Variants in NOS1AP observed in about 807,000 individuals in gnomAD.
The protein encoded by NOS1AP is nitric oxide synthase 1 adaptor protein.
A neutral mutation model predicts 56.2 loss-of-function variants in NOS1AP; 21 were observed. The ratio of observed to expected loss-of-function variants is 0.37; its 90% CI spans 0.26 to 0.54. The LOEUF is 0.54. Among genes scored for constraint, NOS1AP ranks in the 20% least tolerant of loss-of-function variants. NOS1AP has a pLI of 0.84. For synonymous variants in NOS1AP, 270 were observed against 274.6 expected (o/e 0.98, Z 0.17); for missense variants, 522 against 657.8 (o/e 0.79, Z 2.26).
At chr1:162,352,474 A>G (rs931582547) in intron 6 of NOS1AP, among the ~76,000 whole-genome samples, 2 of 151,246 alleles carry the variant, frequency 1.3e-5, no homozygotes, top group African/African-American at 4.9e-5. Context: ...TCTTTAGGCC[A>G]GGCCTTTTTC....
chr1:162,271,591 G>A (rs958673885), intron 2 of NOS1AP, among the ~76,000 whole-genome samples: 1 of 152,244 alleles, frequency 6.6e-6, no homozygotes, highest in Non-Finnish European at 1.5e-5. Flanking sequence ...CCTTTCGTGT[G>A]TGCTGGTTCT....
At chr1:162,305,542 T>C (rs1206315731) in intron 4 of NOS1AP, among the ~76,000 whole-genome samples, 3 of 152,186 alleles carry the variant, frequency 2.0e-5, no homozygotes, top group South Asian at 2.1e-4. Context: ...GCCACAAATA[T>C]ATAGATCTTT....
intron 3 of NOS1AP, among the ~76,000 whole-genome samples, chr1:162,293,630 C>T (rs972279696): frequency 3.3e-5 from 5 of 152,182 alleles, no homozygotes; most frequent in East Asian, 1.9e-4. Context: ...ATCAAAGATG[C>T]GCTTACCCCA....
At chr1:162,140,526 T>A (rs935524399) in intron 1 of NOS1AP, among the ~76,000 whole-genome samples, 1 of 152,232 alleles carries the variant, frequency 6.6e-6, no homozygotes, top group Non-Finnish European at 1.5e-5. Flanking sequence ...ATGTAGCACA[T>A]TTTCTTTATC....
At chr1:162,297,654 C>T (rs1054821658) in intron 3 of NOS1AP, among the ~76,000 whole-genome samples, 2 of 152,114 alleles carry the variant, frequency 1.3e-5, no homozygotes, top group African/African-American at 2.4e-5. Context: ...TCACCTCTGA[C>T]CCACTGTATT....
At chr1:162,157,429 A>T (rs1481270680) in intron 2 of NOS1AP, among the ~76,000 whole-genome samples, 3 of 152,150 alleles carry the variant, frequency 2.0e-5, no homozygotes, top group Non-Finnish European at 4.4e-5. Context: ...CCCTTTTAAA[A>T]GCTGTTGGCT....
chr1:162,365,451 G>T lies in NOS1AP; in HGVS notation c.987G>T (p.Leu329=). 1 of 1,614,086 alleles carries T rather than the reference G, an allele frequency of 6.2e-7. No homozygotes were observed. The highest frequency in any genetic ancestry group is 8.5e-7 in the Non-Finnish European group (1 of 1,180,042). ...TGGCTGCTGAGGCTGCGGCGCGGCTGGAGGCCCAGGCTCGCGTGCATCAGC... is the reference window on the plus strand; with the variant it reads ...TGGCTGCTGAGGCTGCGGCGCGGCTTGAGGCCCAGGCTCGCGTGCATCAGC... ...DQLAAEAAAR[L]EAQARVHQLL... The change falls in exon 9 of 10, where the codon CTG becomes CTT. Residue 329 remains leucine (L), a synonymous_variant. Transcript: ENST00000361897.
At chr1:162,134,003 A>G (rs1358709480) in intron 1 of NOS1AP, among the ~76,000 whole-genome samples, 1 of 152,170 alleles carries the variant, frequency 6.6e-6, no homozygotes, top group Non-Finnish European at 1.5e-5. Flanking sequence ...GGAAGAGAAG[A>G]CTTTCCAAAA....
intron 1 of NOS1AP, among the ~76,000 whole-genome samples, chr1:162,152,130 G>T (rs888529922): frequency 1.3e-5 from 2 of 152,162 alleles, no homozygotes; most frequent in African/African-American, 4.8e-5. Context: ...AATGGGCCAG[G>T]GTCATGGTAG....
chr1:162,298,331 C>T (rs1655536899), intron 3 of NOS1AP, among the ~76,000 whole-genome samples: 2 of 152,252 alleles, frequency 1.3e-5, no homozygotes, highest in Admixed American at 1.3e-4. Context: ...TACACTTCCA[C>T]CACTGACCTG....
At chr1:162,235,749 C>T (rs932235162) in intron 2 of NOS1AP, among the ~76,000 whole-genome samples, 4 of 152,184 alleles carry the variant, frequency 2.6e-5, no homozygotes, top group South Asian at 2.1e-4. Flanking sequence ...CCTGGCATTC[C>T]GTCTCTTGGT....
chr1:162,241,675 G>A (rs1341352944), intron 2 of NOS1AP, among the ~76,000 whole-genome samples: 2 of 152,132 alleles, frequency 1.3e-5, no homozygotes, highest in African/African-American at 4.8e-5. Flanking sequence ...CCTGACTGCA[G>A]AGTCCAGGCT....
intron 8 of NOS1AP, chr1:162,364,548 G>C (rs1248547804): frequency 7.1e-6 from 7 of 985,330 alleles, no homozygotes; most frequent in Non-Finnish European, 8.4e-6. Flanking sequence ...TGACACCACT[G>C]GGCCTCAAGC....
At chr1:162,105,289 T>C (rs1174073324) in intron 1 of NOS1AP, among the ~76,000 whole-genome samples, 3 of 152,190 alleles carry the variant, frequency 2.0e-5, no homozygotes, top group Admixed American at 6.5e-5. Context: ...GGAAGCTCTG[T>C]CCTAGGAGGG....
At chr1:162,320,377 T>A (rs1026249338) in intron 4 of NOS1AP, among the ~76,000 whole-genome samples, 5 of 152,208 alleles carry the variant, frequency 3.3e-5, no homozygotes, top group African/African-American at 4.8e-5. Flanking sequence ...AAACCTTTGT[T>A]GATGATTATT....
intron 2 of NOS1AP, among the ~76,000 whole-genome samples, chr1:162,160,127 G>C (rs751906847): frequency 1.1e-4 from 17 of 152,164 alleles, no homozygotes; most frequent in Non-Finnish European, 2.1e-4. Flanking sequence ...AGGGGTATCT[G>C]GTCTCCTGTG....
intron 4 of NOS1AP, among the ~76,000 whole-genome samples, chr1:162,329,138 T>C (rs1656684905): frequency 6.6e-6 from 1 of 152,220 alleles, no homozygotes; most frequent in Non-Finnish European, 1.5e-5. Flanking sequence ...TGTGGACATA[T>C]GATGAATCTG....
At chr1:162,334,796 T>C (rs931235274) in intron 5 of NOS1AP, among the ~76,000 whole-genome samples, 2 of 152,196 alleles carry the variant, frequency 1.3e-5, no homozygotes, top group African/African-American at 2.4e-5. Context: ...GTAAGACATG[T>C]AACTTTCACT....
chr1:162,189,447 C>T (rs1651548489), intron 2 of NOS1AP, among the ~76,000 whole-genome samples: 1 of 152,244 alleles, frequency 6.6e-6, no homozygotes, highest in Admixed American at 6.5e-5. Context: ...AAAGAAAACA[C>T]CTTTGCATAC....
Sources: gnomAD v4.1 joint callset for allele counts (sites outside exome capture counted in the v4.1 genomes callset) on GRCh38, gnomAD v4.1.1 for gene constraint, MANE v1.5 for transcripts, NCBI Gene and HGNC (gene_info 2026-07-23, HGNC 2026-07-21) for gene names.